ZC3H12D: variants seen among roughly 807,000 people sequenced by gnomAD.
The protein encoded by ZC3H12D is zinc finger CCCH-type containing 12D, also known as probable ribonuclease ZC3H12D.
Under a neutral mutation model 24.2 loss-of-function variants are expected in ZC3H12D, and 11 were observed. That is an observed-to-expected ratio of 0.46 (90% CI 0.29 to 0.75). ZC3H12D has a LOEUF of 0.75. Ranked by LOEUF, ZC3H12D falls within the 30% of genes least tolerant of loss-of-function variation. The pLI is 0.11. For synonymous variants in ZC3H12D, 333 were observed against 341.8 expected (o/e 0.97, Z 0.28); for missense variants, 740 against 767.7 (o/e 0.96, Z 0.43).
At chr6:149,453,173 T>A (rs1373736608) in intron 4 of ZC3H12D, among the ~76,000 whole-genome samples, 5 of 145,988 alleles carry the variant, frequency 3.4e-5, no homozygotes, top group African/African-American at 1.3e-4. Flanking sequence ...TGGTGGTGAA[T>A]GCCTTTAGTC....
intron 2 of ZC3H12D, among the ~76,000 whole-genome samples, chr6:149,462,746 T>A (rs1420757842): frequency 6.6e-6 from 1 of 152,258 alleles, no homozygotes; most frequent in African/African-American, 2.4e-5. Context: ...CTGAGTCTTC[T>A]GGCCTTCGTT....
chr6:149,475,796 G>A (rs1776330605), intron 1 of ZC3H12D, among the ~76,000 whole-genome samples: 1 of 152,104 alleles, frequency 6.6e-6, no homozygotes, highest in African/African-American at 2.4e-5. Flanking sequence ...GGGTTGGGGG[G>A]TGGCCTGGGA....
intron 1 of ZC3H12D, among the ~76,000 whole-genome samples, chr6:149,480,290 T>C (rs780988880): frequency 3.3e-5 from 5 of 152,264 alleles, no homozygotes; most frequent in African/African-American, 4.8e-5. Context: ...ATATGGTACA[T>C]ATACATCACA....
Position 149,456,622 on chromosome 6 carries a change from C to CCCCCCCCCCCCCCCCCCGGGGGAGG in ZC3H12D, c.680+43_680+44insCCTCCCCCGGGGGGGGGGGGGGGGG. ...GGCCACTGCCTCGACCCCGGCCCCC[C>CCCCCCCCCCCCCCCCCCGGGGGAGG]GCCCCGCCGCCCCCCAGGGTGTCAG... On this transcript the variant is annotated intron_variant, in intron 4 of 5. Transcript: ENST00000409806. This position sits in a 1 kb window ranked among gnomAD's most constrained non-coding sequence, Gnocchi z 4.3. The CCCCCCCCCCCCCCCCCCGGGGGAGG allele has an allele frequency of 6.1e-6, 8 of 1,314,322 alleles. No individual in the cohort carries two copies. Among genetic ancestry groups the CCCCCCCCCCCCCCCCCCGGGGGAGG allele is most frequent in the Non-Finnish European group, 7.6e-6 (7 of 921,286 alleles). 81.4% of individuals were successfully genotyped at this position (1,314,322 alleles called of 1,614,324 possible).
Position 149,452,946 on chromosome 6 carries a change from C to T in ZC3H12D, c.681-224G>A, listed in dbSNP as rs574476952. On this transcript the variant is annotated intron_variant, in intron 4 of 5. Transcript: ENST00000409806. The surrounding 1 kb of genome is among the most constrained non-coding windows in gnomAD (Gnocchi z 4.0). ...GCTCTGGCCCTCTTTGGGTGTTTCT[C>T]CTGTTGTGGTTCAAGCCAGCAGTGT... 1.2e-4 allele frequency among the ~76,000 whole-genome samples: 18 copies of T among 152,210 alleles called. No individual in the cohort carries two copies. The highest frequency in any genetic ancestry group is 3.9e-4 in the African/African-American group (16 of 41,546).
intron 1 of ZC3H12D, among the ~76,000 whole-genome samples, chr6:149,482,123 C>A (rs74727818): frequency 1.5e-3 from 223 of 152,376 alleles, no homozygotes; most frequent in African/African-American, 5.1e-3. Flanking sequence ...GCAAATGTGG[C>A]CAGGAGAGCT....
chr6:149,474,266 A>T lies in ZC3H12D; in HGVS notation c.278T>A (p.Val93Glu). Residue 93 changes from valine to glutamate, a missense_variant, in exon 2 of 6, where the codon GTG (valine) becomes GAG (glutamate). Val to Glu is a moderately radical substitution (Grantham distance 121). Transcript: ENST00000409806. ...CATCGCCACGTTGCTGCCATCAATC[A>T]CTATGGGTCGCAGAGAACTGGCCAG... ...RTLASSLRPI[V>E]IDGSNVAMSH... 1 of 1,495,070 alleles carries T rather than the reference A, an allele frequency of 6.7e-7. No individual in the cohort carries two copies. Among genetic ancestry groups the T allele is most frequent in the Non-Finnish European group, 9.0e-7 (1 of 1,112,890 alleles). 92.6% of individuals were successfully genotyped at this position (1,495,070 alleles called of 1,614,324 possible). A position where few individuals can be genotyped will look rare whatever the true frequency, so the allele number is the denominator to read the frequency against.
intron 1 of ZC3H12D, among the ~76,000 whole-genome samples, chr6:149,477,807 T>C (rs1479559565): frequency 6.6e-6 from 1 of 152,208 alleles, no homozygotes; most frequent in Non-Finnish European, 1.5e-5. Context: ...ACTACTTCAG[T>C]GGTTCCCAAG....
intron 2 of ZC3H12D, 46 bp downstream of exon 2, chr6:149,474,193 G>T: frequency 7.0e-7 from 1 of 1,425,644 alleles, no homozygotes; most frequent in South Asian, 1.7e-5. Flanking sequence ...GGGCTCCTGC[G>T]AACAGGGGCC....
Position 149,456,958 on chromosome 6 carries a change from C to T in ZC3H12D, c.446-58G>A, listed in dbSNP as rs1278212908. On this transcript the variant is annotated intron_variant, in intron 3 of 5. Coordinates refer to ENST00000409806, the MANE Select transcript of ZC3H12D (RefSeq NM_207360.3). The surrounding 1 kb of genome is among the most constrained non-coding windows in gnomAD (Gnocchi z 4.3). Reference sequence around the variant, plus strand: ...GCCCAAGGGCACCGCCCCTGAGAACCACCCCCAACGCGAGGCCACCCGCTT... The same window carrying T: ...GCCCAAGGGCACCGCCCCTGAGAACTACCCCCAACGCGAGGCCACCCGCTT... 6.5e-7 allele frequency: 1 copy of T among 1,537,264 alleles called. No individual in the cohort carries two copies. The highest frequency in any genetic ancestry group is 2.3e-5 in the East Asian group (1 of 43,918).
Position 149,474,415 on chromosome 6 carries a change from C to T in ZC3H12D, c.129G>A (p.Thr43=), listed in dbSNP as rs375434127. The change falls in exon 2 of 6, where the codon ACG becomes ACA. Residue 43 remains threonine, a synonymous_variant. Transcript: ENST00000409806. ...VNDVLQELIR[T]GSRPGALEHP... The stretch of plus-strand genomic sequence containing the variant: ...GCTCCAGGGCACCCGGGCGGCTGCC[C>T]GTGCGGATAAGCTCCTGCAGCACGT... 4.0e-5 allele frequency: 65 copies of T among 1,608,234 alleles called. No homozygotes were observed. The highest frequency in any genetic ancestry group is 5.4e-5 in the Non-Finnish European group (63 of 1,175,782).
chr6:149,473,420 C>A (rs953867355), intron 2 of ZC3H12D, among the ~76,000 whole-genome samples: 1 of 152,212 alleles, frequency 6.6e-6, no homozygotes, highest in Non-Finnish European at 1.5e-5. Flanking sequence ...CTGCCCTTTG[C>A]ACGGTTGTAA....
At chr6:149,457,597 C>T (rs1776004492) in intron 3 of ZC3H12D, among the ~76,000 whole-genome samples, 1 of 152,238 alleles carries the variant, frequency 6.6e-6, no homozygotes, top group Non-Finnish European at 1.5e-5. Flanking sequence ...CCTCCTCTTC[C>T]TGTCTCAGAG....
chr6:149,456,628 G>GGGGGACGGACCCC lies in ZC3H12D; in HGVS notation c.680+37_680+38insGGGGTCCGTCCCC. The GGGGGACGGACCCC allele has an allele frequency of 1.3e-6, 1 of 787,348 alleles. No individual in the cohort carries two copies. The allele number at this position is 787,348 out of a possible 1,614,324, so 48.8% of individuals were successfully genotyped here. A position where few individuals can be genotyped will look rare whatever the true frequency, so the allele number is the denominator to read the frequency against. On this transcript the variant is annotated intron_variant, in intron 4 of 5. Transcript: ENST00000409806. The surrounding 1 kb of genome is among the most constrained non-coding windows in gnomAD (Gnocchi z 4.3). ...TGCCTCGACCCCGGCCCCCCGCCCC[G>GGGGGACGGACCCC]CCGCCCCCCAGGGTGTCAGGACCCC...
intron 1 of ZC3H12D, among the ~76,000 whole-genome samples, chr6:149,476,981 C>T (rs426133): frequency 0.97 from 147,968 of 152,364 alleles, 71,862 homozygotes; most frequent in East Asian, 1. Context: ...TGAGTGAATA[C>T]GTTCTTCAGT....
At chr6:149,471,098 T>C (rs1252853924) in intron 2 of ZC3H12D, among the ~76,000 whole-genome samples, 1 of 152,204 alleles carries the variant, frequency 6.6e-6, no homozygotes, top group Non-Finnish European at 1.5e-5. Flanking sequence ...TCTTACAAAA[T>C]GAGGAATGAT....
intron 1 of ZC3H12D, among the ~76,000 whole-genome samples, chr6:149,478,211 T>C (rs1382381606): frequency 1.3e-5 from 2 of 151,818 alleles, no homozygotes; most frequent in Non-Finnish European, 2.9e-5. Flanking sequence ...TGCTAAGATG[T>C]AATTTCTGTA....
intron 4 of ZC3H12D, among the ~76,000 whole-genome samples, chr6:149,455,324 G>A (rs932548154): frequency 6.6e-6 from 1 of 152,190 alleles, no homozygotes; most frequent in Non-Finnish European, 1.5e-5. Flanking sequence ...GCACCCCTGT[G>A]GGCCAGGCGT....
rs912376762 is a variant in ZC3H12D, at chr6:149,447,825, A to C, written c.*2858T>G. 6.6e-6 allele frequency: 1 copy of C among 152,174 alleles called. No homozygotes were observed. The highest frequency in any genetic ancestry group is 6.5e-5 in the Admixed American group (1 of 15,278). 9.4% of individuals were successfully genotyped at this position (152,174 alleles called of 1,614,324 possible). On this transcript the variant is annotated 3_prime_UTR_variant, in exon 6 of 6. Coordinates refer to ENST00000409806, the MANE Select transcript of ZC3H12D (RefSeq NM_207360.3). ...TACTTGTCTTATTCACAGTGAATCA[A>C]ATAAAACAGCTTTACAGCTTACTAA...
Sources: gnomAD v4.1 joint callset for allele counts (sites outside exome capture counted in the v4.1 genomes callset) on GRCh38, gnomAD v4.1.1 for gene constraint, Gnocchi (gnomAD v3.1) non-coding constraint, MANE v1.5 for transcripts, NCBI Gene and HGNC (gene_info 2026-07-23, HGNC 2026-07-21) for gene names.